Variants in RFC4 observed in about 807,000 individuals in gnomAD.
RFC4 encodes the protein A1 37 kDa subunit.
A neutral mutation model predicts 47.6 loss-of-function variants in RFC4; 38 were observed. That is an observed-to-expected ratio of 0.80 (90% CI 0.62 to 1.05). RFC4 has a LOEUF of 1.05. RFC4 is among the 50% of genes least tolerant of loss of function. The probability of loss-of-function intolerance (pLI) is 0.00; values close to 1 mark genes in which losing one functional copy is unlikely to be tolerated. For missense variants in RFC4, 489 were observed against 434.0 expected, an observed-to-expected ratio of 1.13 and a Z score of -1.13; for synonymous variants, 164 against 150.0, an observed-to-expected ratio of 1.09 and a Z score of -0.68.
intron 3 of RFC4, among the ~76,000 whole-genome samples, chr3:186,800,552 C>A (rs1360674551): frequency 6.6e-6 from 1 of 152,182 alleles, no homozygotes; most frequent in Non-Finnish European, 1.5e-5. Flanking sequence ...TAATTTTTCA[C>A]ATGGGTTTAT....
chr3:186,791,114 A>G (rs1722118543), intron 8 of RFC4, among the ~76,000 whole-genome samples: 1 of 152,248 alleles, frequency 6.6e-6, no homozygotes, highest in African/African-American at 2.4e-5. Flanking sequence ...TTTATATACA[A>G]CTGGCAAAAT....
chr3:186,789,933 ATTAT>A lies in RFC4; in HGVS notation c.*32_*35del, dbSNP rs1304223194. The A allele has an allele frequency of 1.5e-6, 2 of 1,290,694 alleles. No individual in the cohort carries two copies. The highest frequency in any genetic ancestry group is 2.5e-5 in the South Asian group (2 of 80,024). The allele number at this position is 1,290,694 out of a possible 1,614,324, so 80.0% of individuals were successfully genotyped here. On this transcript the variant is annotated 3_prime_UTR_variant, in exon 11 of 11. Coordinates refer to ENST00000296273, the MANE Select transcript of RFC4 (RefSeq NM_002916.5). ...GTCATTTTATTTTTATTACAACTTCATTATTTACAAAACCCCCCATCCAGATATA... is the reference window on the plus strand; with the variant it reads ...GTCATTTTATTTTTATTACAACTTCATTACAAAACCCCCCATCCAGATATA...
chr3:186,804,550 G>A, intron 2 of RFC4, 33 bp downstream of exon 2: 2 of 1,593,394 alleles, frequency 1.3e-6, no homozygotes, highest in Non-Finnish European at 1.7e-6. Flanking sequence ...GATAATTTAT[G>A]AATTATTTTA....
Position 186,800,978 on chromosome 3 carries a change from A to C in RFC4, c.210+139T>G, listed in dbSNP as rs957120676. On this transcript the variant is annotated intron_variant, in intron 3 of 10. Coordinates refer to ENST00000296273, the MANE Select transcript of RFC4 (RefSeq NM_002916.5). ...TCAATAAATATTTGAACTAATTATC[A>C]TTGTACAAATAGTTATCAAGGACCT... 3 of 624,972 alleles carry C rather than the reference A, an allele frequency of 4.8e-6. No homozygotes were observed. In the Admixed American group the frequency reaches 9.0e-5, roughly 19 times the overall value. 38.7% of individuals were successfully genotyped at this position (624,972 alleles called of 1,614,324 possible). A position where few individuals can be genotyped will look rare whatever the true frequency, so the allele number is the denominator to read the frequency against.
At position 186,796,601 on chromosome 3, in the gene RFC4, T is replaced by C. The variant is rs1052681695; in HGVS notation, c.290+934A>G. ...TTCAAGTGATTCTCCTGCCTCAGCC[T>C]GCCGAGTAGCTGGGACTACAGGTGC... On this transcript the variant is annotated intron_variant, in intron 4 of 10. Coordinates refer to ENST00000296273, the MANE Select transcript of RFC4 (RefSeq NM_002916.5). The surrounding 1 kb of genome is among the most constrained non-coding windows in gnomAD (Gnocchi z 4.2). Among the ~76,000 whole-genome samples the C allele has an allele frequency of 6.6e-6, 1 of 152,032 alleles. No homozygotes were observed. Among genetic ancestry groups the C allele is most frequent in the Non-Finnish European group, 1.5e-5 (1 of 67,978 alleles).
chr3:186,804,494 C>T, intron 2 of RFC4, 89 bp downstream of exon 2: 10 of 1,295,360 alleles, frequency 7.7e-6, no homozygotes, highest in East Asian at 4.7e-5. Context: ...CAAAGCATTC[C>T]TCCATAAGTT....
At chr3:186,792,977 C>T (rs930263116) in intron 5 of RFC4, 30 bp from the exon 6 acceptor site, 3 of 1,593,938 alleles carry the variant, frequency 1.9e-6, no homozygotes, top group Admixed American at 3.5e-5. Flanking sequence ...AAGAGTTGAA[C>T]ATTAATATGT....
rs776512584 is a variant in RFC4, at chr3:186,792,921, A to G, written c.437T>C (p.Ile146Thr). The G allele has an allele frequency of 3.7e-6, 6 of 1,613,904 alleles. No homozygotes were observed. The highest frequency in any genetic ancestry group is 1.1e-5 in the South Asian group (1 of 91,028). ...SDGKPCPPFK[I>T]VILDEADSMT... is the part of the protein sequence containing the mutation. The stretch of plus-strand genomic sequence containing the variant: ...AGAATCTGCTTCATCCAGAATCACA[A>G]TCTTAAAAGGCGGACACGGCTTCCC... The change falls in exon 6 of 11, where the codon ATT (isoleucine) becomes ACT (threonine). Residue 146 changes from isoleucine to threonine, a missense_variant. Physicochemically the swap from Ile to Thr is moderately conservative, Grantham distance 89. This residue lies in a region of RFC4 where 206 missense variants were observed against 257.8 expected (regional missense o/e 0.80). Transcript: ENST00000296273.
At chr3:186,801,467 T>C in intron 2 of RFC4, 1 of 401,092 alleles carries the variant, frequency 2.5e-6, no homozygotes, top group South Asian at 3.0e-5. Context: ...GATTTTATTT[T>C]ATATGCTACA....
intron 4 of RFC4, among the ~76,000 whole-genome samples, chr3:186,795,947 G>T (rs79569952): frequency 6.6e-6 from 1 of 151,962 alleles, no homozygotes; most frequent in Non-Finnish European, 1.5e-5. Context: ...TATGCTTACT[G>T]TAGAGAAATT....
At chr3:186,805,421 C>T (rs1722456981) in intron 1 of RFC4, 1 of 152,200 alleles carries the variant, frequency 6.6e-6, no homozygotes, top group African/African-American at 2.4e-5. Flanking sequence ...AGGGTTTCAC[C>T]ATGTTGCCTA....
rs994535696 is a variant in RFC4 at position 186,793,145 on chromosome 3, T to C, written c.411-198A>G. Among the ~76,000 whole-genome samples, 2 of 152,246 alleles carry C rather than the reference T, an allele frequency of 1.3e-5. No individual in the cohort carries two copies. The highest frequency in any genetic ancestry group is 4.8e-5 in the African/African-American group (2 of 41,470). Reference sequence around the variant, plus strand: ...TTTATCACTCCTAAAAGAAACTTTGTACCTATTAGGAGTCACTCTTCTTCC... The same window carrying C: ...TTTATCACTCCTAAAAGAAACTTTGCACCTATTAGGAGTCACTCTTCTTCC... On this transcript the variant is annotated intron_variant, in intron 5 of 10. Coordinates refer to ENST00000296273, the MANE Select transcript of RFC4 (RefSeq NM_002916.5). The surrounding 1 kb of genome is among the most constrained non-coding windows in gnomAD (Gnocchi z 4.2).
chr3:186,794,179 G>C (rs978069103), intron 5 of RFC4, among the ~76,000 whole-genome samples: 2 of 152,124 alleles, frequency 1.3e-5, no homozygotes, highest in African/African-American at 4.8e-5. Context: ...TTGGTAATCT[G>C]CCATTAAAGT....
At chr3:186,801,725 A>AAAAG (rs1722359327) in intron 2 of RFC4, among the ~76,000 whole-genome samples, 1 of 151,026 alleles carries the variant, frequency 6.6e-6, no homozygotes, top group East Asian at 1.9e-4. Flanking sequence ...AAAAAAAAAA[A>AAAAG]AAAAAAGAAA....
chr3:186,791,834 AC>A lies in RFC4; in HGVS notation c.691del (p.Val231LeufsTer8). 6.2e-7 allele frequency: 1 copy of A among 1,612,516 alleles called. No individual in the cohort carries two copies. The highest frequency in any genetic ancestry group is 8.5e-7 in the Non-Finnish European group (1 of 1,178,706). On this transcript the variant is annotated frameshift_variant, in exon 8 of 11. Transcript: ENST00000296273. LOFTEE classifies it high-confidence loss of function. Reference protein sequence around the residue: ...KISDEGIAYLVKVSEGDLRKA... With the variant: ...KISDEGIAYLXKVSEGDLRKA... ...TCTTAAGTCTCCTTCTGACACTTTAACAAGATAAGCTATTCCCTGAAGAGAA... is the reference window on the plus strand; with the variant it reads ...TCTTAAGTCTCCTTCTGACACTTTAAAAGATAAGCTATTCCCTGAAGAGAA...
At chr3:186,792,209 GTCA>G (rs1256077882) in intron 7 of RFC4, among the ~76,000 whole-genome samples, 63 of 152,156 alleles carry the variant, frequency 4.1e-4, no homozygotes, top group African/African-American at 1.4e-3. Context: ...CTAAAATCTT[GTCA>G]TCATGCAGAG....
intron 1 of RFC4, chr3:186,804,959 C>T (rs561630120): frequency 3.7e-5 from 13 of 356,068 alleles, no homozygotes; most frequent in African/African-American, 1.4e-4. Flanking sequence ...AAGTCCCTAA[C>T]GAACTTAGAA....
chr3:186,801,329 A>G, intron 2 of RFC4, 134 bp from the exon 3 acceptor site: 1 of 672,350 alleles, frequency 1.5e-6, no homozygotes, highest in Non-Finnish European at 2.6e-6. Context: ...ACTTTTTCAT[A>G]ATCGGAAATA....
At chr3:186,804,518 AGTG>A in intron 2 of RFC4, 62 bp downstream of exon 2, 1 of 1,383,568 alleles carries the variant, frequency 7.2e-7, no homozygotes. Flanking sequence ...AAAAAAAAAA[AGTG>A]ATCAGTACTG....
Sources: allele counts gnomAD v4.1 joint callset (sites outside exome capture counted in the v4.1 genomes callset), GRCh38; gene constraint gnomAD v4.1.1; regional missense constraint gnomAD v4.1.1; non-coding constraint Gnocchi (gnomAD v3.1); transcripts MANE v1.5; gene names NCBI Gene and HGNC (gene_info 2026-07-23, HGNC 2026-07-21).